The following LAMA2 variants were observed in gnomAD, a reference collection of about 807,000 sequenced individuals.
LAMA2 encodes laminin subunit alpha-2.
In LAMA2, 269 loss-of-function variants were observed where a neutral mutation model predicts 364.8. The observed-to-expected ratio is 0.74, with a 90% CI of 0.67 to 0.82. The LOEUF (loss-of-function observed/expected upper bound fraction) is 0.82, where lower values mean the gene tolerates loss of function less well. LAMA2 is among the 40% of genes least tolerant of loss of function. The pLI is 0.00. For synonymous variants in LAMA2, 1,379 were observed against 1,370.6 expected (o/e 1.01, Z -0.14); for missense variants, 3,807 against 3,873.2 (o/e 0.98, Z 0.45).
intron 1 of LAMA2, among the ~76,000 whole-genome samples, chr6:128,958,359 A>G (rs34804292): frequency 0.07 from 10,612 of 152,144 alleles, 452 homozygotes; most frequent in South Asian, 0.12. Flanking sequence ...TTCTAGATTT[A>G]TTTTAAAGGC....
chr6:129,452,912 T>C (rs776115168), intron 45 of LAMA2, 76 bp from the exon 46 acceptor site: 2 of 1,276,254 alleles, frequency 1.6e-6, no homozygotes, highest in Non-Finnish European at 2.3e-6. Context: ...GATGATGGCT[T>C]TGTGGTTGTA....
chr6:129,210,024 A>AAAAAAAAAAAAAAAAAAAAAAT (rs200129656), intron 12 of LAMA2, among the ~76,000 whole-genome samples: 4 of 145,328 alleles, frequency 2.8e-5, no homozygotes, highest in African/African-American at 5.2e-5. Context: ...AAAAAAAAAA[A>AAAAAAAAAAAAAAAAAAAAAAT]ATTTTTACTA....
chr6:129,357,316 A>C (rs529151513), intron 32 of LAMA2, among the ~76,000 whole-genome samples: 1 of 152,194 alleles, frequency 6.6e-6, no homozygotes, highest in African/African-American at 2.4e-5. Context: ...GGCATAGTAA[A>C]ATGTATTACT....
At chr6:129,022,138 G>A (rs951157220) in intron 1 of LAMA2, among the ~76,000 whole-genome samples, 1 of 152,186 alleles carries the variant, frequency 6.6e-6, no homozygotes, top group Non-Finnish European at 1.5e-5. Context: ...TGTATTGTTG[G>A]TTGGATGGTT....
intron 1 of LAMA2, among the ~76,000 whole-genome samples, chr6:128,954,931 A>G (rs929630492): frequency 3.9e-5 from 6 of 152,002 alleles, no homozygotes; most frequent in African/African-American, 1.4e-4. Flanking sequence ...GGTATGTCAG[A>G]AGAAGAATGT....
At position 129,178,154 on chromosome 6, in the gene LAMA2, G is replaced by A. The variant is rs536527490; in HGVS notation, c.1467+288G>A. ...CTAGTGTGTTAATTTAAAAATATAC[G>A]GCACTAGAAATAGCAACCCTTTAAA... On this transcript the variant is annotated intron_variant, in intron 10 of 64. Transcript: ENST00000421865. Among the ~76,000 whole-genome samples, 16 of 152,086 alleles carry A rather than the reference G, an allele frequency of 1.1e-4. No homozygotes were observed. In the South Asian group the frequency reaches 3.1e-3, roughly 30 times the overall value.
chr6:129,026,500 T>C (rs1046917150), intron 1 of LAMA2, among the ~76,000 whole-genome samples: 1 of 152,150 alleles, frequency 6.6e-6, no homozygotes, highest in African/African-American at 2.4e-5. Flanking sequence ...AAACAAATAG[T>C]ATATATACAT....
chr6:129,027,838 A>C (rs112716209), intron 1 of LAMA2, among the ~76,000 whole-genome samples: 2 of 151,900 alleles, frequency 1.3e-5, no homozygotes, highest in African/African-American at 4.8e-5. Flanking sequence ...ATATTAAGAG[A>C]TAAAATTATA....
rs201220236 is a variant in LAMA2 at position 129,012,298 on chromosome 6, ATAGT to A, written c.113-37617_113-37614del. Among the ~76,000 whole-genome samples the A allele has an allele frequency of 7.4e-3, 1,120 of 152,244 alleles. 15 individuals are homozygous for A. Among genetic ancestry groups the A allele is most frequent in the African/African-American group, 0.025 (1,055 of 41,564 alleles). Reference sequence around the variant, plus strand: ...TTTTGTGACTCACTCACTGTTATTAATAGTTATTTTTCTAATTTGAATATTATGC... The same window carrying A: ...TTTTGTGACTCACTCACTGTTATTAATATTTTTCTAATTTGAATATTATGC... On this transcript the variant is annotated intron_variant, in intron 1 of 64. Coordinates refer to ENST00000421865, the MANE Select transcript of LAMA2 (RefSeq NM_000426.4).
chr6:129,035,644 A>G (rs543489694), intron 1 of LAMA2, among the ~76,000 whole-genome samples: 1 of 150,608 alleles, frequency 6.6e-6, no homozygotes, highest in South Asian at 2.1e-4. Flanking sequence ...CAGGTCTTGC[A>G]TTTAAGTCTT....
At chr6:129,050,577 C>G (rs1451477802) in intron 2 of LAMA2, among the ~76,000 whole-genome samples, 8 of 151,944 alleles carry the variant, frequency 5.3e-5, no homozygotes. Flanking sequence ...CCAGAAGGAG[C>G]GATATCCAAG....
intron 2 of LAMA2, among the ~76,000 whole-genome samples, chr6:129,057,821 G>A (rs537013356): frequency 6.6e-6 from 1 of 152,166 alleles, no homozygotes; most frequent in Non-Finnish European, 1.5e-5. Context: ...GTCCATGTTT[G>A]TTCCTCATAG....
chr6:129,030,080 T>C (rs1339047522), intron 1 of LAMA2, among the ~76,000 whole-genome samples: 1 of 152,128 alleles, frequency 6.6e-6, no homozygotes, highest in East Asian at 1.9e-4. Context: ...CCTAGGAATT[T>C]AAAGTAAAGA....
chr6:129,397,561 A>G (rs949052302), intron 37 of LAMA2, among the ~76,000 whole-genome samples: 1 of 152,114 alleles, frequency 6.6e-6, no homozygotes, highest in African/African-American at 2.4e-5. Flanking sequence ...ACTTTTGTCA[A>G]TATTTGTGAG....
intron 1 of LAMA2, among the ~76,000 whole-genome samples, chr6:128,981,398 G>A (rs1409896000): frequency 6.6e-6 from 1 of 151,868 alleles, no homozygotes; most frequent in Non-Finnish European, 1.5e-5. Flanking sequence ...TGCACTTCTA[G>A]CCTCCACTCT....
In LAMA2 at chr6:129,220,042, C is replaced by T. The variant is rs1476850983; in HGVS notation, c.1782+27189C>T. Among the ~76,000 whole-genome samples the T allele has an allele frequency of 2.0e-5, 3 of 152,012 alleles. No individual in the cohort carries two copies. The East Asian group carries it at 5.8e-4, about 29-fold the overall frequency. On this transcript the variant is annotated intron_variant, in intron 12 of 64. Transcript: ENST00000421865. ...CATCGTATGGATTGACACTGGGCTG[C>T]TCCCTGGTGGAGTACCAGCTCAAGA...
intron 40 of LAMA2, among the ~76,000 whole-genome samples, chr6:129,410,804 T>A (rs1780504055): frequency 1.3e-5 from 2 of 152,100 alleles, no homozygotes; most frequent in South Asian, 4.2e-4. Flanking sequence ...TTATGAAGAA[T>A]TGGCTTACGT....
chr6:129,316,228 T>A, intron 27 of LAMA2, 57 bp downstream of exon 27: 1 of 1,337,920 alleles, frequency 7.5e-7, no homozygotes, highest in Non-Finnish European at 1.1e-6. Context: ...AGGAAGGTTA[T>A]TGACCTACAG....
chr6:128,905,673 G>A (rs1777407378), intron 1 of LAMA2: 2 of 150,608 alleles, frequency 1.3e-5, no homozygotes, highest in South Asian at 4.2e-4. Flanking sequence ...TAGGGTACAT[G>A]TGCACATTGT....
Sources: gnomAD v4.1 joint callset for allele counts (sites outside exome capture counted in the v4.1 genomes callset) on GRCh38, gnomAD v4.1.1 for gene constraint, MANE v1.5 for transcripts, NCBI Gene and HGNC (gene_info 2026-07-23, HGNC 2026-07-21) for gene names.